MARCHF7: variants seen among roughly 807,000 people sequenced by gnomAD.
MARCHF7 encodes membrane associated ring-CH-type finger 7.
MARCHF7 carries 20 observed loss-of-function variants against 76.5 expected under a neutral mutation model. That is an observed-to-expected ratio of 0.26 (90% CI 0.18 to 0.38). The LOEUF (loss-of-function observed/expected upper bound fraction) is 0.38. Among genes scored for constraint, MARCHF7 ranks in the 10% least tolerant of loss-of-function variants. The pLI is 1.00. For missense variants in MARCHF7, 797 were observed against 812.9 expected (o/e 0.98, Z 0.24); for synonymous variants, 295 against 293.0 (o/e 1.01, Z -0.07).
intron 5 of MARCHF7, among the ~76,000 whole-genome samples, chr2:159,744,154 A>G (rs1439844653): frequency 6.6e-6 from 1 of 150,768 alleles, no homozygotes; most frequent in Non-Finnish European, 1.5e-5. Context: ...CGCCCGGCTA[A>G]TTTTTTGTAT....
At chr2:159,767,140 C>G (rs746795711) in intron 11 of MARCHF7, 144 bp from the exon 12 acceptor site, 9 of 623,662 alleles carry the variant, frequency 1.4e-5, no homozygotes, top group Non-Finnish European at 2.6e-5. Flanking sequence ...CTAACCCTGT[C>G]ATACAACTTA....
At position 159,748,585 on chromosome 2, in the gene MARCHF7, T is replaced by A; in HGVS notation, c.1295T>A (p.Val432Asp). 6.2e-7 allele frequency: 1 copy of A among 1,614,248 alleles called. No homozygotes were observed. The highest frequency in any genetic ancestry group is 8.5e-7 in the Non-Finnish European group (1 of 1,180,038). Residue 432 changes from valine to aspartate, a missense_variant, in exon 7 of 12, where the codon GTT becomes GAT. This residue lies in a region of MARCHF7 where 643 missense variants were observed against 631.5 expected (regional missense o/e 1.02). Transcript: ENST00000409175. ...TTTAGAAGAGAATCAAATGAAGTGG[T>A]TCACCTTGAAGCACAGAATGATCCT... ...HIFRRESNEV[V>D]HLEAQNDPLG... is the part of the protein sequence containing the mutation.
In MARCHF7 at chr2:159,752,486, G is replaced by C. The variant is rs776637280; in HGVS notation, c.1698G>C (p.Leu566=). 3.1e-6 allele frequency: 5 copies of C among 1,606,756 alleles called. No individual in the cohort carries two copies. The highest frequency in any genetic ancestry group is 4.2e-6 in the Non-Finnish European group (5 of 1,177,192). ...CAGCTGCATCATCATCTAATTTGCTGATAGAGCCATGCAAGTGCACAGGAA... is the reference window on the plus strand; with the variant it reads ...CAGCTGCATCATCATCTAATTTGCTCATAGAGCCATGCAAGTGCACAGGAA... ...QMAAASSSNL[L]IEPCKCTGSL... is the part of the protein sequence containing the mutation. The change falls in exon 8 of 12, where the codon CTG becomes CTC. Residue 566 remains leucine, a synonymous_variant. Coordinates refer to ENST00000409175, the MANE Select transcript of MARCHF7 (RefSeq NM_001282805.2).
chr2:159,763,759 T>G (rs945314890), intron 10 of MARCHF7, among the ~76,000 whole-genome samples: 3 of 152,214 alleles, frequency 2.0e-5, no homozygotes, highest in African/African-American at 4.8e-5. Flanking sequence ...ATTTTGAAAA[T>G]TATCAAATAA....
intron 4 of MARCHF7, 30 bp from the exon 5 acceptor site, chr2:159,743,031 G>A: frequency 6.3e-7 from 1 of 1,589,868 alleles, no homozygotes; most frequent in Non-Finnish European, 8.6e-7. Flanking sequence ...GCAGCCTTTT[G>A]TTGTTTAAAA....
chr2:159,750,088 T>C (rs1705439248), intron 7 of MARCHF7, among the ~76,000 whole-genome samples: 1 of 152,250 alleles, frequency 6.6e-6, no homozygotes, highest in South Asian at 2.1e-4. Flanking sequence ...AAACTTTTTG[T>C]AGAGACAGGG....
chr2:159,722,452 G>T (rs1043144898), intron 3 of MARCHF7, among the ~76,000 whole-genome samples: 1 of 152,130 alleles, frequency 6.6e-6, no homozygotes, highest in African/African-American at 2.4e-5. Flanking sequence ...TTCCTTTGTA[G>T]CACTTAGAAC....
rs34933843 is a variant in MARCHF7 at position 159,760,708 on chromosome 2, C to CTT, written c.1893+1378_1893+1379dup. Among the ~76,000 whole-genome samples, 1,102 of 147,414 alleles carry CTT rather than the reference C, an allele frequency of 7.5e-3. 2 individuals are homozygous for CTT. Among genetic ancestry groups the CTT allele is most frequent in the Non-Finnish European group, 8.9e-3 (599 of 67,010 alleles). ...CCTGTCTCTCAAAGGCAGTTTTTTC[C>CTT]TTTTTTGTTTTTGTTTTTGTTTTTG... On this transcript the variant is annotated intron_variant, in intron 9 of 11. Coordinates refer to ENST00000409175, the MANE Select transcript of MARCHF7 (RefSeq NM_001282805.2).
Position 159,748,954 on chromosome 2 carries a change from C to T in MARCHF7, c.1613+51C>T, listed in dbSNP as rs559323622. 978 of 1,316,362 alleles carry T rather than the reference C, an allele frequency of 7.4e-4. 5 individuals carry two copies. Among genetic ancestry groups the T allele is most frequent in the Non-Finnish European group, 9.6e-4 (944 of 986,486 alleles). The allele number at this position is 1,316,362 out of a possible 1,614,324, so 81.5% of individuals were successfully genotyped here. On this transcript the variant is annotated intron_variant, in intron 7 of 11. Coordinates refer to ENST00000409175, the MANE Select transcript of MARCHF7 (RefSeq NM_001282805.2). The stretch of plus-strand genomic sequence containing the variant: ...CTATAAATCAAAAATAGAGAAAGAA[C>T]TCTTCATTTCTTTTTTTTCTTTTCT...
In MARCHF7 at chr2:159,752,433, G is replaced by A; in HGVS notation, c.1645G>A (p.Gly549Ser). ...TTTAGAGGACTCAGAAGAAGAAGAA[G>A]GTGACTTATGTAGAATTTGTCAAAT... ...LLLEDSEEEEGDLCRICQMAA... is the reference protein window; with the variant it reads ...LLLEDSEEEESDLCRICQMAA... Residue 549 changes from glycine to serine, a missense_variant, in exon 8 of 12, where the codon GGT becomes AGT. By Grantham distance (56) the Gly-to-Ser change is moderately conservative. Transcript: ENST00000409175. 6.3e-7 allele frequency: 1 copy of A among 1,599,450 alleles called. No homozygotes were observed. Among genetic ancestry groups the A allele is most frequent in the Non-Finnish European group, 8.5e-7 (1 of 1,174,354 alleles).
chr2:159,739,557 T>A (rs1021899292), intron 4 of MARCHF7, among the ~76,000 whole-genome samples: 1 of 152,232 alleles, frequency 6.6e-6, no homozygotes, highest in African/African-American at 2.4e-5. Context: ...AAGACAGACT[T>A]ATTCCCTGAT....
At chr2:159,755,693 G>T (rs1480121685) in intron 8 of MARCHF7, among the ~76,000 whole-genome samples, 1 of 152,196 alleles carries the variant, frequency 6.6e-6, no homozygotes, top group Non-Finnish European at 1.5e-5. Flanking sequence ...GAAACAACTA[G>T]TAAGGTAGAA....
At chr2:159,746,236 C>G (rs1430301800) in intron 6 of MARCHF7, among the ~76,000 whole-genome samples, 2 of 152,120 alleles carry the variant, frequency 1.3e-5, no homozygotes, top group Non-Finnish European at 2.9e-5. Context: ...ATAGAATTTG[C>G]CTGTAACAGA....
intron 3 of MARCHF7, among the ~76,000 whole-genome samples, chr2:159,726,160 A>G (rs1170516488): frequency 7.9e-5 from 12 of 152,210 alleles, no homozygotes; most frequent in Admixed American, 7.9e-4. Context: ...TAAATATCCT[A>G]CCTTTAGGGG....
chr2:159,754,249 T>G (rs1706021329), intron 8 of MARCHF7, among the ~76,000 whole-genome samples: 1 of 152,108 alleles, frequency 6.6e-6, no homozygotes, highest in African/African-American at 2.4e-5. Context: ...AGAGGAGATT[T>G]GAAAAAGCAG....
At position 159,767,360 on chromosome 2, in the gene MARCHF7, G is replaced by C; in HGVS notation, c.*18G>C. 6.4e-7 allele frequency: 1 copy of C among 1,565,636 alleles called. No individual in the cohort carries two copies. The highest frequency in any genetic ancestry group is 8.8e-7 in the Non-Finnish European group (1 of 1,137,822). On this transcript the variant is annotated 3_prime_UTR_variant, in exon 12 of 12. Transcript: ENST00000409175. ...TTGCCTAACTTCATATAAGACAGAT[G>C]GATGATCTGTGAACATAAGTGTTTA...
chr2:159,739,564 T>G (rs968961542), intron 4 of MARCHF7, among the ~76,000 whole-genome samples: 2 of 152,248 alleles, frequency 1.3e-5, no homozygotes, highest in African/African-American at 4.8e-5. Context: ...ACTTATTCCC[T>G]GATTTCATTT....
chr2:159,728,353 A>T (rs377349637), intron 3 of MARCHF7, among the ~76,000 whole-genome samples: 1 of 152,230 alleles, frequency 6.6e-6, no homozygotes, highest in African/African-American at 2.4e-5. Context: ...AAGAAAGTTC[A>T]TTCATTCTTA....
chr2:159,747,974 A>G lies in MARCHF7; in HGVS notation c.684A>G (p.Ser228=). The change falls in exon 7 of 12, where the codon TCA becomes TCG. Residue 228 remains serine, a synonymous_variant. Coordinates refer to ENST00000409175, the MANE Select transcript of MARCHF7 (RefSeq NM_001282805.2). ...ATTCTTTAAGATCAAATTTTTCTTC[A>G]AGAGAATCAGAATCTTCCCGAAGCA... is the stretch of plus-strand genomic sequence containing the variant. ...SRNSLRSNFS[S]RESESSRSNT... 1 of 1,614,104 alleles carries G rather than the reference A, an allele frequency of 6.2e-7. No homozygotes were observed. The highest frequency in any genetic ancestry group is 2.2e-5 in the East Asian group (1 of 44,868).
Sources: gnomAD v4.1 joint callset for allele counts (sites outside exome capture counted in the v4.1 genomes callset) on GRCh38, gnomAD v4.1.1 for gene constraint, gnomAD v4.1.1 regional missense constraint, MANE v1.5 for transcripts, NCBI Gene and HGNC (gene_info 2026-07-23, HGNC 2026-07-21) for gene names.